The following CRIM1 variants were observed in gnomAD, a reference collection of about 807,000 sequenced individuals.
The protein encoded by CRIM1 is cysteine rich transmembrane BMP regulator 1, also known as cysteine-rich motor neuron 1 protein.
Under a neutral mutation model 116.4 loss-of-function variants are expected in CRIM1, and 32 were observed. The observed-to-expected ratio is 0.27, with a 90% CI of 0.21 to 0.37. The LOEUF (loss-of-function observed/expected upper bound fraction) is 0.37. CRIM1 is among the 10% of genes least tolerant of loss of function. The probability of loss-of-function intolerance (pLI) is 1.00; values close to 1 mark genes in which losing one functional copy is unlikely to be tolerated. For missense variants in CRIM1, 1,331 were observed against 1,354.8 expected (o/e 0.98, Z 0.28); for synonymous variants, 590 against 509.2 (o/e 1.16, Z -2.13).
intron 10 of CRIM1, 78 bp from the exon 11 acceptor site, chr2:36,513,478 A>C (rs2125113382): frequency 8.8e-7 from 1 of 1,136,732 alleles, no homozygotes; most frequent in Non-Finnish European, 1.3e-6. Flanking sequence ...GCTGGGGTCC[A>C]GTCCATGTAC....
At position 36,512,240 on chromosome 2, in the gene CRIM1, T is replaced by A. The variant is rs142822298; in HGVS notation, c.1659-33T>A. 3.3e-5 allele frequency: 53 copies of A among 1,604,148 alleles called. No individual in the cohort carries two copies. In the African/African-American group the frequency reaches 6.4e-4, roughly 19 times the overall value. Reference sequence around the variant, plus strand: ...TGGGCATCATTTGAGACTTTGTGATTTTCTGACCTCTGACAAAATTTTAAT... The same window carrying A: ...TGGGCATCATTTGAGACTTTGTGATATTCTGACCTCTGACAAAATTTTAAT... On this transcript the variant is annotated intron_variant, in intron 9 of 16. Coordinates refer to ENST00000280527, the MANE Select transcript of CRIM1 (RefSeq NM_016441.3).
At chr2:36,363,459 T>C (rs1669367785) in intron 1 of CRIM1, among the ~76,000 whole-genome samples, 1 of 150,396 alleles carries the variant, frequency 6.6e-6, no homozygotes, top group African/African-American at 2.4e-5. Flanking sequence ...CAGTCATTGA[T>C]GGTAAGCAGT....
intron 2 of CRIM1, among the ~76,000 whole-genome samples, chr2:36,399,867 T>A (rs1020222472): frequency 6.6e-6 from 1 of 152,224 alleles, no homozygotes. Context: ...GAGGAAAATG[T>A]AAACAGACAT....
chr2:36,389,106 A>G (rs1671387315), intron 1 of CRIM1, among the ~76,000 whole-genome samples: 1 of 152,112 alleles, frequency 6.6e-6, no homozygotes, highest in Non-Finnish European at 1.5e-5. Context: ...AAATTTTTTC[A>G]CTTTGTGGAA....
At chr2:36,395,821 T>A (rs756566765) in intron 1 of CRIM1, among the ~76,000 whole-genome samples, 4 of 152,324 alleles carry the variant, frequency 2.6e-5, no homozygotes, top group Middle Eastern at 3.4e-3. Flanking sequence ...ATCCCCTCCA[T>A]TGTAACTCTT....
At chr2:36,383,580 G>A (rs1349678390) in intron 1 of CRIM1, among the ~76,000 whole-genome samples, 1 of 152,130 alleles carries the variant, frequency 6.6e-6, no homozygotes, top group Non-Finnish European at 1.5e-5. Context: ...GTGGATATTG[G>A]GGCCTGCTGT....
At chr2:36,388,265 G>A (rs927910223) in intron 1 of CRIM1, among the ~76,000 whole-genome samples, 2 of 152,106 alleles carry the variant, frequency 1.3e-5, no homozygotes, top group Admixed American at 6.5e-5. Context: ...TGGAGATACT[G>A]GAAAGGTCCT....
At chr2:36,380,671 G>A (rs891056656) in intron 1 of CRIM1, among the ~76,000 whole-genome samples, 5 of 152,314 alleles carry the variant, frequency 3.3e-5, no homozygotes, top group Middle Eastern at 6.8e-3. Context: ...TTTGCTTTGG[G>A]AGGTTGAAGT....
At chr2:36,393,719 A>G (rs1671800914) in intron 1 of CRIM1, among the ~76,000 whole-genome samples, 1 of 152,188 alleles carries the variant, frequency 6.6e-6, no homozygotes, top group Non-Finnish European at 1.5e-5. Context: ...AGCAGGAGAT[A>G]GCAGAGGAAG....
At chr2:36,367,387 A>C (rs776304507) in intron 1 of CRIM1, among the ~76,000 whole-genome samples, 16 of 152,216 alleles carry the variant, frequency 1.1e-4, no homozygotes, top group Admixed American at 2.0e-4. Flanking sequence ...ATGTGATAAC[A>C]TGATAAAGGA....
intron 13 of CRIM1, among the ~76,000 whole-genome samples, chr2:36,534,355 G>A (rs1359889860): frequency 1.6e-5 from 2 of 127,928 alleles, no homozygotes; most frequent in Non-Finnish European, 3.3e-5. Flanking sequence ...GAGGAGGGAA[G>A]GAAAGAGGGA....
Position 36,394,451 on chromosome 2 carries a change from T to A in CRIM1, c.332-2163T>A, listed in dbSNP as rs181017404. On this transcript the variant is annotated intron_variant, in intron 1 of 16. Coordinates refer to ENST00000280527, the MANE Select transcript of CRIM1 (RefSeq NM_016441.3). ...GTTATAACTGAAGACAAATATCACC[T>A]TCTTTTCTATGTTGAATTTTTTCAA... 2.3e-4 allele frequency among the ~76,000 whole-genome samples: 34 copies of A among 148,022 alleles called. No homozygotes were observed. In the East Asian group the frequency reaches 4.2e-3, roughly 18 times the overall value.
At chr2:36,544,332 C>A in intron 14 of CRIM1, 44 bp from the exon 15 acceptor site, 1 of 1,312,024 alleles carries the variant, frequency 7.6e-7, no homozygotes, top group South Asian at 3.0e-5. Flanking sequence ...GCCAACAATA[C>A]AGCAGCTTCA....
chr2:36,402,957 A>G lies in CRIM1; in HGVS notation c.505+6170A>G, dbSNP rs531454079. ...TTAAATGTAATTCAGTAACTCATTA[A>G]GTAGAATTCATACATACATGCTCTA... is the stretch of plus-strand genomic sequence containing the variant. On this transcript the variant is annotated intron_variant, in intron 2 of 16. Transcript: ENST00000280527. Among the ~76,000 whole-genome samples the G allele has an allele frequency of 9.2e-5, 14 of 152,310 alleles. No homozygotes were observed. The East Asian group carries it at 2.5e-3, about 27-fold the overall frequency.
At chr2:36,534,870 C>A (rs1409169950) in intron 13 of CRIM1, among the ~76,000 whole-genome samples, 2 of 152,090 alleles carry the variant, frequency 1.3e-5, no homozygotes, top group Admixed American at 6.5e-5. Context: ...AACACTGTTA[C>A]TCAAATTTTA....
At chr2:36,400,911 T>C (rs967571485) in intron 2 of CRIM1, among the ~76,000 whole-genome samples, 3 of 152,100 alleles carry the variant, frequency 2.0e-5, no homozygotes, top group African/African-American at 7.2e-5. Context: ...GTGAATAGTC[T>C]AGTTAAAGCC....
At chr2:36,456,601 G>A (rs1164284745) in intron 4 of CRIM1, among the ~76,000 whole-genome samples, 3 of 152,150 alleles carry the variant, frequency 2.0e-5, no homozygotes, top group African/African-American at 7.2e-5. Context: ...CTAGACCTAC[G>A]GAAGTGAAGG....
chr2:36,544,301 A>G (rs1006133871), intron 14 of CRIM1, 75 bp from the exon 15 acceptor site: 3 of 1,258,114 alleles, frequency 2.4e-6, no homozygotes, highest in Non-Finnish European at 3.1e-6. Context: ...TGAGTGCACC[A>G]TTTGGATTGA....
intron 7 of CRIM1, among the ~76,000 whole-genome samples, chr2:36,492,799 C>T (rs544984373): frequency 6.6e-6 from 1 of 152,294 alleles, no homozygotes; most frequent in South Asian, 2.1e-4. Flanking sequence ...AATTTTCCTA[C>T]TCATTGGATA....
Sources: allele counts gnomAD v4.1 joint callset (sites outside exome capture counted in the v4.1 genomes callset), GRCh38; gene constraint gnomAD v4.1.1; transcripts MANE v1.5; gene names NCBI Gene and HGNC (gene_info 2026-07-23, HGNC 2026-07-21).